TMEM60: variants seen among roughly 807,000 people sequenced by gnomAD.
TMEM60 encodes the protein transmembrane protein 60.
In TMEM60, 4 loss-of-function variants were observed where a neutral mutation model predicts 10.7. That is an observed-to-expected ratio of 0.37 (90% CI 0.18 to 0.86). TMEM60 has a LOEUF of 0.86. Ranked by LOEUF, TMEM60 falls within the 40% of genes least tolerant of loss-of-function variation. TMEM60 has a pLI of 0.43. For synonymous variants in TMEM60, 56 were observed against 58.1 expected (o/e 0.96, Z 0.17); for missense variants, 128 against 153.4 (o/e 0.83, Z 0.88).
chr7:77,796,605 G>T (rs1406598483), intron 1 of TMEM60, among the ~76,000 whole-genome samples: 1 of 152,174 alleles, frequency 6.6e-6, no homozygotes, highest in African/African-American at 2.4e-5. Context: ...AAATTTTCAG[G>T]AAAGGAAGAA....
intron 1 of TMEM60, among the ~76,000 whole-genome samples, chr7:77,795,616 T>G (rs1792159902): frequency 6.6e-6 from 1 of 152,050 alleles, no homozygotes; most frequent in Admixed American, 6.6e-5. Flanking sequence ...AAATTCTCAC[T>G]TATTTTCTCA....
chr7:77,795,107 G>A (rs138352323), intron 1 of TMEM60, among the ~76,000 whole-genome samples: 141 of 152,244 alleles, frequency 9.3e-4, no homozygotes, highest in African/African-American at 3.0e-3. Flanking sequence ...TGAGTGCCCC[G>A]TGAGATCATG....
At position 77,794,002 on chromosome 7, in the gene TMEM60, G is replaced by A. The variant is rs763428491; in HGVS notation, c.372C>T (p.Leu124=). 78 of 1,586,516 alleles carry A rather than the reference G, an allele frequency of 4.9e-5. No individual in the cohort carries two copies. In the East Asian group the frequency reaches 8.7e-4, roughly 18 times the overall value. ...CTCTCACAAAAAAGACATTATATCC[G>A]AGTTCTGTTAAAGCCCCAGCCAGCA... ...WALLAGALTE[L]GYNVFFVRD Residue 124 remains leucine, a synonymous_variant, in exon 2 of 2, where the codon CTC becomes CTT. Coordinates refer to ENST00000257663, the MANE Select transcript of TMEM60 (RefSeq NM_032936.4).
At chr7:77,795,653 G>A (rs1282946576) in intron 1 of TMEM60, among the ~76,000 whole-genome samples, 1 of 152,020 alleles carries the variant, frequency 6.6e-6, no homozygotes, top group African/African-American at 2.4e-5. Context: ...TATCTTTCTT[G>A]GTATAATAGT....
chr7:77,796,110 G>A (rs1792164702), intron 1 of TMEM60, among the ~76,000 whole-genome samples: 2 of 151,968 alleles, frequency 1.3e-5, no homozygotes, highest in African/African-American at 4.8e-5. Context: ...GCTAGTTTTT[G>A]TATTTTTAGT....
At chr7:77,798,184 A>G (rs1792232815) in intron 1 of TMEM60, 70 bp downstream of exon 1, 1 of 152,488 alleles carries the variant, frequency 6.6e-6, no homozygotes, top group Admixed American at 6.5e-5. Context: ...GGTCGGCCGC[A>G]CAGCCCACGG....
At chr7:77,794,787 G>A (rs1792150510) in intron 1 of TMEM60, among the ~76,000 whole-genome samples, 1 of 151,954 alleles carries the variant, frequency 6.6e-6, no homozygotes, top group Admixed American at 6.6e-5. Flanking sequence ...AATTTCAAGG[G>A]GTACAAAGAA....
At chr7:77,797,994 T>C (rs995391024) in intron 1 of TMEM60, among the ~76,000 whole-genome samples, 3 of 152,168 alleles carry the variant, frequency 2.0e-5, no homozygotes, top group Admixed American at 6.5e-5. Context: ...TCCTAAACTA[T>C]ACTTGCCCTT....
chr7:77,797,077 C>T (rs559493808), intron 1 of TMEM60, among the ~76,000 whole-genome samples: 1 of 152,246 alleles, frequency 6.6e-6, no homozygotes, highest in African/African-American at 2.4e-5. Flanking sequence ...CAGAGGCTGC[C>T]ATAGAGTGGG....
intron 1 of TMEM60, 83 bp from the exon 2 acceptor site, chr7:77,794,506 T>C (rs1792147766): frequency 4.4e-6 from 4 of 902,560 alleles, no homozygotes; most frequent in Non-Finnish European, 6.1e-6. Flanking sequence ...AAACTGGTTC[T>C]TTCCCAACTG....
chr7:77,796,981 C>G (rs1202560568), intron 1 of TMEM60, among the ~76,000 whole-genome samples: 2 of 152,164 alleles, frequency 1.3e-5, no homozygotes, highest in Non-Finnish European at 2.9e-5. Context: ...GGCACTTAAA[C>G]TTGTTTACTT....
Position 77,794,097 on chromosome 7 carries a change from C to A in TMEM60, c.277G>T (p.Ala93Ser). The A allele has an allele frequency of 6.2e-7, 1 of 1,613,918 alleles. No individual in the cohort carries two copies. Among genetic ancestry groups the A allele is most frequent in the Non-Finnish European group, 8.5e-7 (1 of 1,179,980 alleles). Residue 93 changes from alanine (A) to serine (S), a missense_variant, in exon 2 of 2, where the codon GCA becomes TCA. Physicochemically the swap from Ala to Ser is moderately conservative, Grantham distance 99. Transcript: ENST00000257663. ...AMLLKLAFCL[A>S]LCAKLEQFTT... ...AACTGTTCCAGTTTAGCACAGAGTG[C>A]GAGGCAGAAGGCTAATTTAAGTAAC...
chr7:77,795,402 C>T (rs1431114909), intron 1 of TMEM60, among the ~76,000 whole-genome samples: 1 of 151,956 alleles, frequency 6.6e-6, no homozygotes, highest in Non-Finnish European at 1.5e-5. Flanking sequence ...CCTGTATTCC[C>T]TGCTACTCGC....
chr7:77,793,850 A>T lies in TMEM60; in HGVS notation c.*122T>A. ...TTCACCAATCCTGTTTTATGGAAGT[A>T]GTATAAAACTACATTTGGTATTTTC... On this transcript the variant is annotated 3_prime_UTR_variant, in exon 2 of 2. Transcript: ENST00000257663. 1 of 1,052,308 alleles carries T rather than the reference A, an allele frequency of 9.5e-7. No individual in the cohort carries two copies. Among genetic ancestry groups the T allele is most frequent in the Non-Finnish European group, 1.3e-6 (1 of 768,748 alleles). The allele number at this position is 1,052,308 out of a possible 1,614,324, so 65.2% of individuals were successfully genotyped here.
At position 77,798,433 on chromosome 7, in the gene TMEM60, C is replaced by G. The variant is rs34752553; in HGVS notation, c.-230G>C. Reference sequence around the variant, plus strand: ...GACTGCGGTAGAGGATCTCTCAGTTCTACCTCAGTGCCGCGCCCACATCCG... The same window carrying G: ...GACTGCGGTAGAGGATCTCTCAGTTGTACCTCAGTGCCGCGCCCACATCCG... On this transcript the variant is annotated 5_prime_UTR_variant, in exon 1 of 2. Coordinates refer to ENST00000257663, the MANE Select transcript of TMEM60 (RefSeq NM_032936.4). The G allele has an allele frequency of 2.6e-5, 4 of 152,356 alleles. No homozygotes were observed. Among genetic ancestry groups the G allele is most frequent in the African/African-American group, 9.6e-5 (4 of 41,562 alleles). The allele number at this position is 152,356 out of a possible 1,614,324, so 9.4% of individuals were successfully genotyped here.
rs752671519 is a variant in TMEM60, at chr7:77,794,143, T to G, written c.231A>C (p.Lys77Asn). 3.1e-6 allele frequency: 5 copies of G among 1,592,112 alleles called. No homozygotes were observed. The highest frequency in any genetic ancestry group is 3.3e-4 in the Middle Eastern group (2 of 5,988). Residue 77 changes from lysine to asparagine, a missense_variant, in exon 2 of 2, where the codon AAA becomes AAC. Physicochemically the swap from Lys to Asn is moderately conservative, Grantham distance 94 (BLOSUM62 0). Coordinates refer to ENST00000257663, the MANE Select transcript of TMEM60 (RefSeq NM_032936.4). ...PRHGSHNIKK[K>N]AWYLIAMLLK... ...GTAACATTGCAATGAGGTACCAGGC[T>G]TTTTTTTTAATATTGTGTGATCCAT...
chr7:77,797,648 G>A (rs1792209882), intron 1 of TMEM60, among the ~76,000 whole-genome samples: 1 of 152,140 alleles, frequency 6.6e-6, no homozygotes. Flanking sequence ...GTTATTTCTG[G>A]CACTAGGAAG....
chr7:77,797,903 A>G (rs1007014512), intron 1 of TMEM60, among the ~76,000 whole-genome samples: 2 of 152,212 alleles, frequency 1.3e-5, no homozygotes, highest in African/African-American at 4.8e-5. Flanking sequence ...CCGTGCAGCA[A>G]CAGCCTTGGC....
In TMEM60 at chr7:77,794,236, A is replaced by G; in HGVS notation, c.138T>C (p.Asp46=). Residue 46 remains aspartate (D), a synonymous_variant, in exon 2 of 2, where the codon GAT becomes GAC. Transcript: ENST00000257663. The part of the protein sequence containing the change: ...FLIFIPVWIF[D]TILLVLLIVK... ...CAATCAGCAGGACAAGAAGGATAGT[A>G]TCAAATATCCAGACTGGAATGAATA... 6.2e-7 allele frequency: 1 copy of G among 1,614,108 alleles called. No homozygotes were observed. The highest frequency in any genetic ancestry group is 8.5e-7 in the Non-Finnish European group (1 of 1,180,002).
Sources: gnomAD v4.1 joint callset for allele counts (sites outside exome capture counted in the v4.1 genomes callset) on GRCh38, gnomAD v4.1.1 for gene constraint, MANE v1.5 for transcripts, NCBI Gene and HGNC (gene_info 2026-07-23, HGNC 2026-07-21) for gene names.